ZNF646: variants seen among roughly 807,000 people sequenced by gnomAD.
ZNF646 encodes the protein zinc finger protein 646.
Under a neutral mutation model 115.4 loss-of-function variants are expected in ZNF646, and 49 were observed. That is an observed-to-expected ratio of 0.42 (90% confidence interval 0.34 to 0.54). ZNF646 has a LOEUF of 0.54. Among genes scored for constraint, ZNF646 ranks in the 20% least tolerant of loss-of-function variants. The pLI, the probability that ZNF646 is intolerant of heterozygous loss-of-function variation, is 0.04. For missense variants in ZNF646, 2,269 were observed against 2,457.9 expected (o/e 0.92, Z 1.62); for synonymous variants, 933 against 939.0 (o/e 0.99, Z 0.12).
In ZNF646 at chr16:31,081,149, C is replaced by T. The variant is rs149395188; in HGVS notation, c.4825C>T (p.Arg1609Trp). 1.5e-3 allele frequency: 2,328 copies of T among 1,601,790 alleles called. 4 individuals are homozygous for T. The highest frequency in any genetic ancestry group is 1.6e-3 in the Non-Finnish European group (1,927 of 1,172,332). The stretch of plus-strand genomic sequence containing the variant: ...GGCCAGCCACCTGCAGGCTCATGCC[C>T]GGGGCCACAGCCAGGTGCCAGCCCA... ...ELASHLQAHARGHSQVPAQME... is the reference protein window; with the variant it reads ...ELASHLQAHAWGHSQVPAQME... Residue 1609 changes from arginine to tryptophan, a missense_variant, in exon 2 of 3, where the codon CGG (arginine) becomes TGG (tryptophan). Arg to Trp is a moderately radical substitution (Grantham distance 101). Transcript: ENST00000300850.
intron 2 of ZNF646, 170 bp from the exon 3 acceptor site, chr16:31,082,801 G>A (rs1243377594): frequency 2.5e-6 from 2 of 805,824 alleles, no homozygotes; most frequent in Non-Finnish European, 3.9e-6. Context: ...GGGATATGAG[G>A]GAGGAGCCAG....
At position 31,076,250 on chromosome 16, in the gene ZNF646, T is replaced by C. The variant is rs892395511; in HGVS notation, c.-75T>C. On this transcript the variant is annotated 5_prime_UTR_variant, in exon 2 of 3. Coordinates refer to ENST00000300850, the MANE Select transcript of ZNF646 (RefSeq NM_014699.4). ...ACCACTGCCCCCTCTTCCTAGGCCTTGGCCCCTCCACCAGAGGAAGGTGCT... is the reference window on the plus strand; with the variant it reads ...ACCACTGCCCCCTCTTCCTAGGCCTCGGCCCCTCCACCAGAGGAAGGTGCT... 6.5e-7 allele frequency: 1 copy of C among 1,530,540 alleles called. No individual in the cohort carries two copies. Among genetic ancestry groups the C allele is most frequent in the Non-Finnish European group, 8.8e-7 (1 of 1,136,500 alleles). 94.8% of individuals were successfully genotyped at this position (1,530,540 alleles called of 1,614,324 possible).
At position 31,084,175 on chromosome 16, in the gene ZNF646, T is replaced by C. The variant is rs765712600; in HGVS notation, c.*1083T>C. The C allele has an allele frequency of 4.0e-5, 64 of 1,605,028 alleles. No individual in the cohort carries two copies. The South Asian group carries it at 6.4e-4, about 16-fold the overall frequency. On this transcript the variant is annotated 3_prime_UTR_variant, in exon 3 of 3. Transcript: ENST00000300850. ...CTCGGGCTCTGGTTCCTCGGCGAAGTAGACCTGCCAGTCCAAACTGCTGAC... is the reference window on the plus strand; with the variant it reads ...CTCGGGCTCTGGTTCCTCGGCGAAGCAGACCTGCCAGTCCAAACTGCTGAC...
rs965770022 is a variant in ZNF646 at position 31,080,134 on chromosome 16, G to A, written c.3810G>A (p.Arg1270=). The change falls in exon 2 of 3, where the codon CGG becomes CGA. Residue 1270 remains arginine (R), a synonymous_variant. Transcript: ENST00000300850. ...AGTGTGGGAAGGCCTTCCGCCTGCG[G>A]AAACAGCTGGCCAGCCACCAGCGGG... ...CSECGKAFRL[R]KQLASHQRVH... is the part of the protein sequence containing the mutation. The A allele has an allele frequency of 3.7e-6, 6 of 1,612,688 alleles. No individual in the cohort carries two copies. The East Asian group carries it at 8.9e-5, about 24-fold the overall frequency.
chr16:31,083,489 C>CA lies in ZNF646; in HGVS notation c.*404dup. 7.5e-7 allele frequency: 1 copy of CA among 1,326,648 alleles called. No individual in the cohort carries two copies. Among genetic ancestry groups the CA allele is most frequent in the Non-Finnish European group, 9.7e-7 (1 of 1,033,660 alleles). The allele number at this position is 1,326,648 out of a possible 1,614,324, so 82.2% of individuals were successfully genotyped here. On this transcript the variant is annotated 3_prime_UTR_variant, in exon 3 of 3. Transcript: ENST00000300850. ...TAAAAAAAGGAAAACTGCTGCCCCC[C>CA]AAAAAAAGAAATTTTCAAAACAACG... is the stretch of plus-strand genomic sequence containing the variant.
rs375424774 is a variant in ZNF646, at chr16:31,078,531, G to A, written c.2207G>A (p.Gly736Glu). ...GACTGTTTGCAGGCTGAATCTGAAGGGGACAAATGTGGGCTTGAGAGGGAT... is the reference window on the plus strand; with the variant it reads ...GACTGTTTGCAGGCTGAATCTGAAGAGGACAAATGTGGGCTTGAGAGGGAT... ...DGDCLQAESE[G>E]DKCGLERDET... Residue 736 changes from glycine (G) to glutamate (E), a missense_variant, in exon 2 of 3, where the codon GGG (glycine) becomes GAG (glutamate). Gly to Glu is a moderately conservative substitution (Grantham distance 98, BLOSUM62 -2). This residue lies in a region of ZNF646 where 852 missense variants were observed against 900.2 expected (regional missense o/e 0.95). Transcript: ENST00000300850. 2.2e-5 allele frequency: 35 copies of A among 1,596,952 alleles called. No homozygotes were observed. The highest frequency in any genetic ancestry group is 2.9e-5 in the Non-Finnish European group (34 of 1,169,006).
rs761982355 is a variant in ZNF646 at position 31,079,389 on chromosome 16, C to G, written c.3065C>G (p.Ala1022Gly). ...VNSVSGEGGD[A>G]KSQEGAGTPL... is the part of the protein sequence containing the mutation. ...TCTGTCTCTGGAGAGGGTGGAGATG[C>G]CAAGTCTCAAGAGGGAGCAGGCACC... The change falls in exon 2 of 3, where the codon GCC (alanine) becomes GGC (glycine). Residue 1022 changes from alanine (A) to glycine (G), a missense_variant. Around this residue, in one of 5 missense-constraint regions of ZNF646, gnomAD observed 1,062 missense variants for 1,172.8 expected, o/e 0.91. Coordinates refer to ENST00000300850, the MANE Select transcript of ZNF646 (RefSeq NM_014699.4). The surrounding 1 kb of genome is among the most constrained non-coding windows in gnomAD (Gnocchi z 5.5). 9 of 1,614,026 alleles carry G rather than the reference C, an allele frequency of 5.6e-6. No homozygotes were observed. The South Asian group carries it at 9.9e-5, about 18-fold the overall frequency.
rs1362290662 is a variant in ZNF646 at position 31,083,578 on chromosome 16, C to T, written c.*486C>T. On this transcript the variant is annotated 3_prime_UTR_variant, in exon 3 of 3. Coordinates refer to ENST00000300850, the MANE Select transcript of ZNF646 (RefSeq NM_014699.4). ...GAAAGCTGAGACGCCTGCTTGGTAG[C>T]AGAGTTGGGTGTGGGAGTGTCCACA... The T allele has an allele frequency of 6.9e-7, 1 of 1,442,454 alleles. No individual in the cohort carries two copies. The highest frequency in any genetic ancestry group is 9.1e-7 in the Non-Finnish European group (1 of 1,093,966). The allele number at this position is 1,442,454 out of a possible 1,614,324, so 89.4% of individuals were successfully genotyped here. A position where few individuals can be genotyped will look rare whatever the true frequency, so the allele number is the denominator to read the frequency against.
In ZNF646 at chr16:31,074,550, GGGAA is replaced by G. The variant is rs1188682965; in HGVS notation, c.-160_-157del. On this transcript the variant is annotated 5_prime_UTR_variant, in exon 1 of 3. It removes the in-frame stop codon of an upstream open reading frame in the 5' UTR. Transcript: ENST00000300850. ...CTCTTTCCCTTCCCTCCCACCTCCC[GGGAA>G]CCCTGGCTGAGTGTGCGTGTGTGGG... 6.6e-6 allele frequency: 1 copy of G among 152,222 alleles called. No individual in the cohort carries two copies. Among genetic ancestry groups the G allele is most frequent in the Non-Finnish European group, 1.5e-5 (1 of 68,094 alleles). The allele number at this position is 152,222 out of a possible 1,614,324, so 9.4% of individuals were successfully genotyped here.
Position 31,081,357 on chromosome 16 carries a change from G to C in ZNF646, c.5033G>C (p.Arg1678Pro). The C allele has an allele frequency of 6.2e-7, 1 of 1,613,780 alleles. No individual in the cohort carries two copies. Among genetic ancestry groups the C allele is most frequent in the African/African-American group, 1.3e-5 (1 of 75,064 alleles). ...MAAEDKERPF[R>P]CTQCGRSYRH... ...GCTGAGGACAAGGAGCGGCCCTTCC[G>C]CTGCACCCAGTGCGGGCGCTCCTAC... Residue 1678 changes from arginine (R) to proline (P), a missense_variant, in exon 2 of 3, where the codon CGC (arginine) becomes CCC (proline). Transcript: ENST00000300850.
Position 31,080,816 on chromosome 16 carries a change from T to G in ZNF646, c.4492T>G (p.Cys1498Gly), listed in dbSNP as rs1596777160. ...EPEDSVHRSP[C>G]HAGDCQLNGP... ...AGAGGACAGTGTCCACAGGAGTCCTTGCCACGCTGGTGACTGCCAGCTCAA... is the reference window on the plus strand; with the variant it reads ...AGAGGACAGTGTCCACAGGAGTCCTGGCCACGCTGGTGACTGCCAGCTCAA... The change falls in exon 2 of 3, where the codon TGC (cysteine) becomes GGC (glycine). Residue 1498 changes from cysteine to glycine, a missense_variant. Cys to Gly is a radical substitution (Grantham distance 159). This residue lies in a region of ZNF646 where 1,062 missense variants were observed against 1,172.8 expected (regional missense o/e 0.91). Transcript: ENST00000300850. 1 of 1,614,090 alleles carries G rather than the reference T, an allele frequency of 6.2e-7. No individual in the cohort carries two copies. The highest frequency in any genetic ancestry group is 8.5e-7 in the Non-Finnish European group (1 of 1,180,008).
rs147066666 is a variant in ZNF646 at position 31,076,747 on chromosome 16, A to G, written c.423A>G (p.Thr141=). ...LGSSEGWENQ[T]KHTEETPDCE... The stretch of plus-strand genomic sequence containing the variant: ...CTAGTGAAGGCTGGGAAAACCAGAC[A>G]AAACATACAGAAGAGACACCTGACT... The change falls in exon 2 of 3, where the codon ACA becomes ACG. Residue 141 remains threonine, a synonymous_variant. Coordinates refer to ENST00000300850, the MANE Select transcript of ZNF646 (RefSeq NM_014699.4). 22 of 1,613,682 alleles carry G rather than the reference A, an allele frequency of 1.4e-5. No individual in the cohort carries two copies. The East Asian group carries it at 3.3e-4, about 25-fold the overall frequency.
At chr16:31,081,923 G>T (rs899781224) in intron 2 of ZNF646, 7 of 705,912 alleles carry the variant, frequency 9.9e-6, no homozygotes, top group African/African-American at 7.2e-5. Context: ...TGGGCAGCAC[G>T]TGGGGGCGTG....
chr16:31,081,347 C>A lies in ZNF646; in HGVS notation c.5023C>A (p.Arg1675=). The change falls in exon 2 of 3, where the codon CGG becomes AGG. Residue 1675 remains arginine, a synonymous_variant. Transcript: ENST00000300850. Reference sequence around the variant, plus strand: ...GTCCATGGCGGCTGAGGACAAGGAGCGGCCCTTCCGCTGCACCCAGTGCGG... The same window carrying A: ...GTCCATGGCGGCTGAGGACAAGGAGAGGCCCTTCCGCTGCACCCAGTGCGG... ...VTSMAAEDKE[R]PFRCTQCGRS... 1 of 1,613,868 alleles carries A rather than the reference C, an allele frequency of 6.2e-7. No individual in the cohort carries two copies. Among genetic ancestry groups the A allele is most frequent in the Non-Finnish European group, 8.5e-7 (1 of 1,179,854 alleles).
chr16:31,079,002 G>T lies in ZNF646; in HGVS notation c.2678G>T (p.Arg893Leu), dbSNP rs765656332. The change falls in exon 2 of 3, where the codon CGG becomes CTG. Residue 893 changes from arginine to leucine, a missense_variant. This residue lies in a region of ZNF646 where 852 missense variants were observed against 900.2 expected (regional missense o/e 0.95). Transcript: ENST00000300850. The surrounding 1 kb of genome is among the most constrained non-coding windows in gnomAD (Gnocchi z 5.5). ...CCLCGMIFPGRAGYRLHRRQA... is the reference protein window; with the variant it reads ...CCLCGMIFPGLAGYRLHRRQA... ...CTCTGTGGCATGATCTTCCCTGGGC[G>T]GGCTGGCTACAGGCTTCACCGGCGC... is the stretch of plus-strand genomic sequence containing the variant. The T allele has an allele frequency of 8.8e-5, 140 of 1,598,060 alleles. No homozygotes were observed. Among genetic ancestry groups the T allele is most frequent in the Non-Finnish European group, 1.2e-4 (137 of 1,170,626 alleles).
Position 31,079,314 on chromosome 16 carries a change from G to T in ZNF646, c.2990G>T (p.Gly997Val). 3.7e-6 allele frequency: 6 copies of T among 1,613,236 alleles called. No homozygotes were observed. Among genetic ancestry groups the T allele is most frequent in the Non-Finnish European group, 5.1e-6 (6 of 1,179,302 alleles). The change falls in exon 2 of 3, where the codon GGT (glycine) becomes GTT (valine). Residue 997 changes from glycine (G) to valine (V), a missense_variant. Coordinates refer to ENST00000300850, the MANE Select transcript of ZNF646 (RefSeq NM_014699.4). The surrounding 1 kb of genome is among the most constrained non-coding windows in gnomAD (Gnocchi z 5.5). ...DKAPSPLGVA[G>V]DAMEMVVDSV... Reference sequence around the variant, plus strand: ...GCTCCCAGCCCCTTGGGAGTGGCAGGTGATGCCATGGAGATGGTCGTGGAC... The same window carrying T: ...GCTCCCAGCCCCTTGGGAGTGGCAGTTGATGCCATGGAGATGGTCGTGGAC...
Position 31,077,213 on chromosome 16 carries a change from C to T in ZNF646, c.889C>T (p.Pro297Ser), listed in dbSNP as rs770793139. ...TGCCCAGTATCGGCCTTACCACTGT[C>T]CCCACTGCCCCCGTGTCTTCCGGCT... The part of the protein sequence containing the change: ...LHAQYRPYHC[P>S]HCPRVFRLPR... The change falls in exon 2 of 3, where the codon CCC becomes TCC. Residue 297 changes from proline (P) to serine (S), a missense_variant. Physicochemically the swap from Pro to Ser is moderately conservative, Grantham distance 74 (BLOSUM62 -1). This residue lies in a region of ZNF646 where 852 missense variants were observed against 900.2 expected (regional missense o/e 0.95). Transcript: ENST00000300850. 5 of 1,614,150 alleles carry T rather than the reference C, an allele frequency of 3.1e-6. No individual in the cohort carries two copies. The highest frequency in any genetic ancestry group is 4.2e-6 in the Non-Finnish European group (5 of 1,180,018).
chr16:31,083,270 G>A lies in ZNF646; in HGVS notation c.*178G>A. The A allele has an allele frequency of 1.9e-6, 2 of 1,057,182 alleles. No individual in the cohort carries two copies. Among genetic ancestry groups the A allele is most frequent in the South Asian group, 1.8e-5 (1 of 54,244 alleles). The allele number at this position is 1,057,182 out of a possible 1,614,324, so 65.5% of individuals were successfully genotyped here. On this transcript the variant is annotated 3_prime_UTR_variant, in exon 3 of 3. Transcript: ENST00000300850. The stretch of plus-strand genomic sequence containing the variant: ...GGGGTGGGGTGTTCCTCGCGTCCCT[G>A]TCCTTGAAGGACCTCCTTCCCCCAG...
In ZNF646 at chr16:31,076,496, C is replaced by T. The variant is rs1226946899; in HGVS notation, c.172C>T (p.Arg58Cys). The change falls in exon 2 of 3, where the codon CGT becomes TGT. Residue 58 changes from arginine to cysteine, a missense_variant. By Grantham distance (180) the Arg-to-Cys change is radical. This residue lies in a region of ZNF646 where 334 missense variants were observed against 323.5 expected (regional missense o/e 1.03). Coordinates refer to ENST00000300850, the MANE Select transcript of ZNF646 (RefSeq NM_014699.4). Reference sequence around the variant, plus strand: ...TTGTCAGCAGTGTGGGCGGGGCTACCGTCACCCCGGGAGCCTGGTTAACCA... The same window carrying T: ...TTGTCAGCAGTGTGGGCGGGGCTACTGTCACCCCGGGAGCCTGGTTAACCA... ...YRCQQCGRGYRHPGSLVNHRR... is the reference protein window; with the variant it reads ...YRCQQCGRGYCHPGSLVNHRR... The T allele has an allele frequency of 5.6e-6, 9 of 1,613,828 alleles. No individual in the cohort carries two copies. Among genetic ancestry groups the T allele is most frequent in the East Asian group, 2.2e-5 (1 of 44,890 alleles).
Sources: gnomAD v4.1 joint callset for allele counts on GRCh38, gnomAD v4.1.1 for gene constraint, gnomAD v4.1.1 regional missense constraint, Gnocchi (gnomAD v3.1) non-coding constraint, MANE v1.5 for transcripts, NCBI Gene and HGNC (gene_info 2026-07-23, HGNC 2026-07-21) for gene names.